COLGALT2: variants seen among roughly 807,000 people sequenced by gnomAD.
COLGALT2 encodes the protein procollagen galactosyltransferase 2.
COLGALT2 carries 49 observed loss-of-function variants against 73.4 expected under a neutral mutation model. That is an observed-to-expected ratio of 0.67 (90% CI 0.53 to 0.85). COLGALT2 has a LOEUF of 0.85. COLGALT2 is among the 40% of genes least tolerant of loss of function. The pLI is 0.00. For missense variants in COLGALT2, 722 were observed against 790.2 expected, an observed-to-expected ratio of 0.91 and a Z score of 1.03; for synonymous variants, 295 against 307.6, an observed-to-expected ratio of 0.96 and a Z score of 0.43.
At chr1:183,945,338 G>A (rs560384376) in intron 9 of COLGALT2, 94 bp downstream of exon 9, 40 of 1,405,522 alleles carry the variant, frequency 2.8e-5, no homozygotes, top group East Asian at 1.4e-4. Flanking sequence ...GAACAGTTGC[G>A]GGCTCACTTT....
intron 1 of COLGALT2, among the ~76,000 whole-genome samples, chr1:184,010,622 C>CAG (rs1162480190): frequency 2.6e-5 from 4 of 152,190 alleles, no homozygotes; most frequent in African/African-American, 9.6e-5. Flanking sequence ...ATGAGGTACA[C>CAG]AGGCCTGAGT....
Position 183,937,623 on chromosome 1 carries a change from A to G in COLGALT2, c.*1138T>C, listed in dbSNP as rs1669992093. The G allele has an allele frequency of 2.0e-6, 2 of 985,250 alleles. No homozygotes were observed. Among genetic ancestry groups the G allele is most frequent in the East Asian group, 1.1e-4 (1 of 8,816 alleles). The allele number at this position is 985,250 out of a possible 1,614,324, so 61.0% of individuals were successfully genotyped here. On this transcript the variant is annotated 3_prime_UTR_variant, in exon 12 of 12. Transcript: ENST00000361927. ...CCCCATCCACAGGCCTCCCCACAAG[A>G]GCCTGGCTGGGAAATTCAGGAGAAT...
chr1:184,022,856 C>T (rs1649217902), intron 1 of COLGALT2, among the ~76,000 whole-genome samples: 1 of 152,150 alleles, frequency 6.6e-6, no homozygotes, highest in African/African-American at 2.4e-5. Context: ...ATGCTTGAGC[C>T]CTAGTGTTAC....
intron 1 of COLGALT2, among the ~76,000 whole-genome samples, chr1:183,995,208 T>A (rs1671739065): frequency 6.6e-6 from 1 of 152,064 alleles, no homozygotes; most frequent in South Asian, 2.1e-4. Flanking sequence ...ACTTCATCAG[T>A]GAAAGAAATA....
At chr1:184,003,112 C>T (rs906728387) in intron 1 of COLGALT2, among the ~76,000 whole-genome samples, 7 of 152,176 alleles carry the variant, frequency 4.6e-5, no homozygotes, top group Non-Finnish European at 1.5e-5. Flanking sequence ...ATAATCTCCA[C>T]ATTTCAGGGG....
intron 5 of COLGALT2, 123 bp downstream of exon 5, chr1:183,969,146 A>C (rs769571720): frequency 6.7e-5 from 52 of 781,570 alleles, no homozygotes; most frequent in Non-Finnish European, 9.1e-5. Flanking sequence ...TATTGCAGAC[A>C]ATTTACTGCC....
At chr1:183,969,749 T>C (rs3925148) in intron 4 of COLGALT2, among the ~76,000 whole-genome samples, 108,518 of 152,116 alleles carry the variant, frequency 0.71, 39,153 homozygotes, top group East Asian at 0.85. Flanking sequence ...GTGTATTTTA[T>C]GTTGACTTAT....
chr1:183,980,681 T>C (rs1261306548), intron 1 of COLGALT2, among the ~76,000 whole-genome samples: 1 of 151,942 alleles, frequency 6.6e-6, no homozygotes, highest in Admixed American at 6.6e-5. Flanking sequence ...AGGAAAAAAA[T>C]GAAAATTCTA....
At chr1:183,946,261 C>T (rs1018411230) in intron 8 of COLGALT2, 3 of 152,202 alleles carry the variant, frequency 2.0e-5, no homozygotes, top group African/African-American at 7.2e-5. Context: ...GTTTGAGAAG[C>T]ATTATCAGCT....
chr1:183,973,286 GTT>G lies in COLGALT2; in HGVS notation c.627+328_627+329del, dbSNP rs375645269. ...CTTTTAAACTTTTTTTAATTTCTAA[GTT>G]TTTCTATAGTGTTCTTATGTTAGTT... On this transcript the variant is annotated intron_variant, in intron 4 of 11. Coordinates refer to ENST00000361927, the MANE Select transcript of COLGALT2 (RefSeq NM_015101.4). 4.0e-3 allele frequency among the ~76,000 whole-genome samples: 612 copies of G among 152,122 alleles called. 6 individuals are homozygous for G. Among genetic ancestry groups the G allele is most frequent in the African/African-American group, 0.013 (549 of 41,494 alleles).
intron 1 of COLGALT2, among the ~76,000 whole-genome samples, chr1:183,986,763 CA>C (rs1441040820): frequency 6.6e-6 from 1 of 152,150 alleles, no homozygotes; most frequent in African/African-American, 2.4e-5. Flanking sequence ...CTAAGTTACT[CA>C]TTATCTTTAT....
intron 1 of COLGALT2, among the ~76,000 whole-genome samples, chr1:184,002,919 A>G (rs933815825): frequency 6.6e-6 from 1 of 152,214 alleles, no homozygotes; most frequent in Non-Finnish European, 1.5e-5. Flanking sequence ...TATAATAAAA[A>G]TATCAAAAGA....
Position 183,936,958 on chromosome 1 carries a change from A to T in COLGALT2, c.*1803T>A. The T allele has an allele frequency of 8.1e-7, 1 of 1,231,718 alleles. No individual in the cohort carries two copies. The highest frequency in any genetic ancestry group is 1.0e-6 in the Non-Finnish European group (1 of 987,972). The allele number at this position is 1,231,718 out of a possible 1,614,324, so 76.3% of individuals were successfully genotyped here. Reference sequence around the variant, plus strand: ...GACCCGCCCCTCACCTGGGGAGATGAGGCTGCCTTGACTACCTATTTGGTG... The same window carrying T: ...GACCCGCCCCTCACCTGGGGAGATGTGGCTGCCTTGACTACCTATTTGGTG... On this transcript the variant is annotated 3_prime_UTR_variant, in exon 12 of 12. Coordinates refer to ENST00000361927, the MANE Select transcript of COLGALT2 (RefSeq NM_015101.4).
At chr1:184,005,831 C>T (rs372838855) in intron 1 of COLGALT2, among the ~76,000 whole-genome samples, 17 of 152,280 alleles carry the variant, frequency 1.1e-4, no homozygotes, top group African/African-American at 4.1e-4. Context: ...TGAACCCCAA[C>T]ACAAGACAGA....
At chr1:183,935,394 G>A (rs573453415), downstream of COLGALT2, among the ~76,000 whole-genome samples, 13 of 152,306 alleles carry the variant, frequency 8.5e-5, 1 homozygote, top group South Asian at 2.7e-3. Flanking sequence ...TTTGAGATTA[G>A]GGGTAAGCTT....
At chr1:183,946,939 G>A (rs534667334) in intron 8 of COLGALT2, among the ~76,000 whole-genome samples, 1 of 152,294 alleles carries the variant, frequency 6.6e-6, no homozygotes, top group African/African-American at 2.4e-5. Flanking sequence ...GCTGAGGCAG[G>A]AGAATGGTGT....
intron 1 of COLGALT2, among the ~76,000 whole-genome samples, chr1:184,007,179 C>T (rs1672109414): frequency 6.6e-6 from 1 of 152,180 alleles, no homozygotes. Flanking sequence ...ACCCCAAGCT[C>T]ATGAAGGCAC....
chr1:184,006,169 C>T (rs1164341697), intron 1 of COLGALT2, among the ~76,000 whole-genome samples: 3 of 152,222 alleles, frequency 2.0e-5, no homozygotes, highest in Non-Finnish European at 2.9e-5. Context: ...TCATTCCACT[C>T]CCATATGTTG....
intron 1 of COLGALT2, among the ~76,000 whole-genome samples, chr1:183,995,702 C>T (rs1037394740): frequency 1.3e-5 from 2 of 152,026 alleles, no homozygotes; most frequent in East Asian, 1.9e-4. Flanking sequence ...TTTTTCTTCA[C>T]ATTTTTTTCC....
Sources: gnomAD v4.1 joint callset for allele counts (sites outside exome capture counted in the v4.1 genomes callset) on GRCh38, gnomAD v4.1.1 for gene constraint, MANE v1.5 for transcripts, NCBI Gene and HGNC (gene_info 2026-07-23, HGNC 2026-07-21) for gene names.